GATM: variants seen among roughly 807,000 people sequenced by gnomAD.
GATM encodes glycine amidinotransferase, mitochondrial.
A neutral mutation model predicts 54.2 loss-of-function variants in GATM; 23 were observed. The ratio of observed to expected loss-of-function variants is 0.42; its 90% CI spans 0.31 to 0.60. The LOEUF is 0.60. Among genes scored for constraint, GATM ranks in the 20% least tolerant of loss-of-function variants. GATM has a pLI of 0.14. For missense variants in GATM, 401 were observed against 544.9 expected, an observed-to-expected ratio of 0.74 and a Z score of 2.63; for synonymous variants, 168 against 183.1, an observed-to-expected ratio of 0.92 and a Z score of 0.67.
At position 45,364,906 on chromosome 15, in the gene GATM, CTATTAT is replaced by C. The variant is rs200176845; in HGVS notation, c.979-52_979-47del. 5.5e-6 allele frequency: 8 copies of C among 1,466,780 alleles called. No individual in the cohort carries two copies. In the Admixed American group the frequency reaches 1.0e-4, roughly 18 times the overall value. The allele number at this position is 1,466,780 out of a possible 1,614,324, so 90.9% of individuals were successfully genotyped here. ...CCCAAAACCGTTAAATCTACATATA[CTATTAT>C]TATTATTAGTCTCTAATAGCCCTTA... On this transcript the variant is annotated intron_variant, in intron 6 of 8. Transcript: ENST00000396659.
At chr15:45,395,294 T>C (rs1277388081) in intron 3 of GATM, among the ~76,000 whole-genome samples, 1 of 152,192 alleles carries the variant, frequency 6.6e-6, no homozygotes, top group African/African-American at 2.4e-5. Flanking sequence ...CTAAGAGTTA[T>C]TATAGCAGGC....
In GATM at chr15:45,366,492, G is replaced by C. The variant is rs202225656; in HGVS notation, c.692C>G (p.Ser231Cys). The change falls in exon 5 of 9, where the codon TCT (serine) becomes TGT (cysteine). Residue 231 changes from serine (S) to cysteine (C), a missense_variant. By Grantham distance (112) the Ser-to-Cys change is moderately radical. Around this residue, in one of 3 missense-constraint regions of GATM, gnomAD observed 321 missense variants for 457.5 expected, o/e 0.70. Transcript: ENST00000396659. Reference sequence around the variant, plus strand: ...AGCCAATTTGTGTCTGTCTTCTACAGAGTGGATGGGATAATCCTAATTGGA... The same window carrying C: ...AGCCAATTTGTGTCTGTCTTCTACACAGTGGATGGGATAATCCTAATTGGA... ...ELYNQDYPIHSVEDRHKLAAQ... is the reference protein window; with the variant it reads ...ELYNQDYPIHCVEDRHKLAAQ... 347 of 1,613,966 alleles carry C rather than the reference G, an allele frequency of 2.1e-4. No individual in the cohort carries two copies. The highest frequency in any genetic ancestry group is 2.7e-4 in the Non-Finnish European group (319 of 1,180,008).
chr15:45,366,358 A>C lies in GATM; in HGVS notation c.813+13T>G, dbSNP rs1032883981. The C allele has an allele frequency of 3.1e-6, 5 of 1,613,996 alleles. No homozygotes were observed. The African/African-American group carries it at 6.7e-5, about 22-fold the overall frequency. On this transcript the variant is annotated intron_variant, in intron 5 of 8. Coordinates refer to ENST00000396659, the MANE Select transcript of GATM (RefSeq NM_001482.3). ...TAATATAGTGTGAAATTTCAGAGGCAGCCTGCGTTCACCTGGCTTCTCTGT... is the reference window on the plus strand; with the variant it reads ...TAATATAGTGTGAAATTTCAGAGGCCGCCTGCGTTCACCTGGCTTCTCTGT...
chr15:45,364,955 T>G, intron 6 of GATM, 95 bp from the exon 7 acceptor site: 1 of 1,008,760 alleles, frequency 9.9e-7, no homozygotes, highest in Non-Finnish European at 1.5e-6. Flanking sequence ...TAATTCTCTT[T>G]GAGAAGCTGT....
intron 3 of GATM, 78 bp downstream of exon 3, chr15:45,369,248 T>C (rs1208226275): frequency 8.6e-6 from 11 of 1,279,910 alleles, no homozygotes; most frequent in Non-Finnish European, 1.2e-5. Context: ...AAGAAATTTT[T>C]TGGAGCTTTC....
intron 3 of GATM, among the ~76,000 whole-genome samples, chr15:45,388,255 T>C (rs79925867): frequency 1.3e-5 from 2 of 152,214 alleles, no homozygotes; most frequent in Non-Finnish European, 2.9e-5. Flanking sequence ...TTCATGAGTT[T>C]GTGGGAAATT....
intron 1 of GATM, 111 bp downstream of exon 1, chr15:45,378,274 G>T: frequency 1.2e-6 from 1 of 805,474 alleles, no homozygotes; most frequent in Non-Finnish European, 1.9e-6. Context: ...TTCCGGCTAG[G>T]GAAAGCGAGG....
chr15:45,377,941 C>T (rs80066230), intron 1 of GATM: 1,693 of 156,938 alleles, frequency 0.011, 15 homozygotes, highest in Non-Finnish European at 0.018. Flanking sequence ...CACGCATTTT[C>T]CAGAAATCTC....
At chr15:45,399,543 T>C (rs1889973652) in intron 2 of GATM, 1 of 155,040 alleles carries the variant, frequency 6.4e-6, no homozygotes, top group Non-Finnish European at 1.4e-5. Context: ...AGGGGGCCCT[T>C]ACCAGTCATG....
rs1285470359 is a variant in GATM, at chr15:45,363,916, C to T, written c.1143G>A (p.Lys381=). Residue 381 remains lysine (K), a synonymous_variant, in exon 8 of 9, where the codon AAG becomes AAA. Coordinates refer to ENST00000396659, the MANE Select transcript of GATM (RefSeq NM_001482.3). ...MVDANEVPIQ[K]MFEKLGITTI... is the part of the protein sequence containing the mutation. ...TGTACATACCCAGCTTTTCAAACAT[C>T]TTTTGAATTGGAACTTCATTGGCAT... 1 of 1,607,134 alleles carries T rather than the reference C, an allele frequency of 6.2e-7. No homozygotes were observed. Among genetic ancestry groups the T allele is most frequent in the Non-Finnish European group, 8.5e-7 (1 of 1,174,018 alleles).
Position 45,361,917 on chromosome 15 carries a change from G to T in GATM, c.*192C>A. 3 of 614,978 alleles carry T rather than the reference G, an allele frequency of 4.9e-6. No homozygotes were observed. Among genetic ancestry groups the T allele is most frequent in the Admixed American group, 2.7e-5 (1 of 36,384 alleles). 38.1% of individuals were successfully genotyped at this position (614,978 alleles called of 1,614,324 possible). ...TAGTAAATAACTTTAGGAGTAGAGA[G>T]TAATACCTAGCAGAAGTTATTTTCT... On this transcript the variant is annotated 3_prime_UTR_variant, in exon 9 of 9. Coordinates refer to ENST00000396659, the MANE Select transcript of GATM (RefSeq NM_001482.3).
At chr15:45,377,547 A>C (rs2140659003) in intron 1 of GATM, 1 of 321,708 alleles carries the variant, frequency 3.1e-6, no homozygotes, top group Middle Eastern at 1.1e-3. Context: ...ATGGCCTATA[A>C]AATCTAGAGC....
intron 8 of GATM, among the ~76,000 whole-genome samples, chr15:45,363,229 G>A (rs558380288): frequency 8.5e-5 from 13 of 152,090 alleles, no homozygotes; most frequent in Admixed American, 2.6e-4. Context: ...CCGAGGTCAC[G>A]CCACTACACT....
chr15:45,390,089 C>T (rs1407446065), intron 3 of GATM, among the ~76,000 whole-genome samples: 2 of 152,098 alleles, frequency 1.3e-5, no homozygotes, highest in East Asian at 1.9e-4. Flanking sequence ...CGGGCTCAAG[C>T]GATCCGCCTG....
At chr15:45,376,909 A>G (rs1889647430) in intron 1 of GATM, 90 bp from the exon 2 acceptor site, 2 of 1,209,334 alleles carry the variant, frequency 1.7e-6, no homozygotes, top group Non-Finnish European at 2.4e-6. Context: ...AAAATCCAGC[A>G]TAACATTGCC....
intron 2 of GATM, chr15:45,373,147 T>C (rs1360495997): frequency 6.6e-6 from 1 of 152,236 alleles, no homozygotes; most frequent in Non-Finnish European, 1.5e-5. Flanking sequence ...TAATCTTGTA[T>C]TTTATAAAAG....
chr15:45,365,672 G>A (rs1445153245), intron 6 of GATM, among the ~76,000 whole-genome samples: 2 of 152,168 alleles, frequency 1.3e-5, no homozygotes, highest in African/African-American at 4.8e-5. Context: ...TACAACCACT[G>A]CCCAGTGGCA....
intron 3 of GATM, among the ~76,000 whole-genome samples, chr15:45,391,628 G>A (rs1889874974): frequency 6.6e-6 from 1 of 152,216 alleles, no homozygotes; most frequent in Non-Finnish European, 1.5e-5. Flanking sequence ...AGTTAACACT[G>A]TGCAGAATTA....
At chr15:45,400,877 A>G (rs546904148) in intron 1 of GATM, among the ~76,000 whole-genome samples, 1 of 152,226 alleles carries the variant, frequency 6.6e-6, no homozygotes, top group Non-Finnish European at 1.5e-5. Flanking sequence ...TTGGAGCTGA[A>G]TAGAAGGAAC....
Sources: gnomAD v4.1 joint callset for allele counts (sites outside exome capture counted in the v4.1 genomes callset) on GRCh38, gnomAD v4.1.1 for gene constraint, gnomAD v4.1.1 regional missense constraint, MANE v1.5 for transcripts, NCBI Gene and HGNC (gene_info 2026-07-23, HGNC 2026-07-21) for gene names.